Variants in SLC9A9 observed in about 807,000 individuals in gnomAD.
SLC9A9 encodes solute carrier family 9 member A9, also known as sodium/hydrogen exchanger 9.
A neutral mutation model predicts 77.8 loss-of-function variants in SLC9A9; 62 were observed. The observed-to-expected ratio is 0.80, with a 90% CI of 0.65 to 0.98. The LOEUF (loss-of-function observed/expected upper bound fraction) is 0.98, where lower values mean the gene tolerates loss of function less well. Among genes scored for constraint, SLC9A9 ranks in the 50% least tolerant of loss-of-function variants. The pLI is 0.00. For missense variants in SLC9A9, 775 were observed against 774.9 expected, an observed-to-expected ratio of 1.00 and a Z score of 0.00; for synonymous variants, 320 against 283.5, an observed-to-expected ratio of 1.13 and a Z score of -1.29.
At chr3:143,482,768 T>A (rs764394612) in intron 11 of SLC9A9, among the ~76,000 whole-genome samples, 2 of 152,262 alleles carry the variant, frequency 1.3e-5, no homozygotes. Context: ...CTTTGTAATA[T>A]GCACCACATC....
chr3:143,693,217 A>C lies in SLC9A9; in HGVS notation c.624T>G (p.Gly208=). 7 of 1,613,230 alleles carry C rather than the reference A, an allele frequency of 4.3e-6. No homozygotes were observed. The highest frequency in any genetic ancestry group is 5.9e-6 in the Non-Finnish European group (7 of 1,179,434). ...CTGGATCTGTAGCAGACATCAGTGA[A>C]CCAAAAAATAAACAGTCAGTGAAAT... ...DFHFTDCLFF[G]SLMSATDPVT... Residue 208 remains glycine, a synonymous_variant, in exon 5 of 16, where the codon GGT becomes GGG. Transcript: ENST00000316549.
chr3:143,676,872 T>C (rs1932905425), intron 5 of SLC9A9, among the ~76,000 whole-genome samples: 1 of 152,252 alleles, frequency 6.6e-6, no homozygotes, highest in Non-Finnish European at 1.5e-5. Flanking sequence ...TTAAGATCTG[T>C]GAAGGGAGTT....
chr3:143,662,513 G>A (rs995163027), intron 5 of SLC9A9, among the ~76,000 whole-genome samples: 10 of 152,200 alleles, frequency 6.6e-5, no homozygotes, highest in African/African-American at 1.9e-4. Flanking sequence ...CACCTCACCC[G>A]AGAAGTGCAA....
intron 6 of SLC9A9, among the ~76,000 whole-genome samples, chr3:143,601,893 C>A (rs2037850701): frequency 6.6e-6 from 1 of 151,218 alleles, no homozygotes; most frequent in Admixed American, 6.6e-5. Flanking sequence ...TTCCAACATC[C>A]CCCCTCTACC....
chr3:143,620,555 AG>A (rs2108711496), intron 6 of SLC9A9: 1 of 152,382 alleles, frequency 6.6e-6, no homozygotes, highest in South Asian at 2.1e-4. Flanking sequence ...ACAACTCCTC[AG>A]GCAGACTCAG....
chr3:143,361,673 T>G (rs752400864), intron 14 of SLC9A9, among the ~76,000 whole-genome samples: 3 of 152,132 alleles, frequency 2.0e-5, no homozygotes, highest in South Asian at 2.1e-4. Flanking sequence ...TAAATTACCA[T>G]GAGAAGAGAT....
At chr3:143,767,342 G>C (rs1277746719) in intron 4 of SLC9A9, among the ~76,000 whole-genome samples, 1 of 151,220 alleles carries the variant, frequency 6.6e-6, no homozygotes, top group Non-Finnish European at 1.5e-5. Flanking sequence ...TGCCTTTCAG[G>C]TGATTTGGTT....
chr3:143,848,274 G>A lies in SLC9A9; in HGVS notation c.49C>T (p.Gln17Ter). 6.2e-7 allele frequency: 1 copy of A among 1,614,016 alleles called. No individual in the cohort carries two copies. ...AGCAGCTCCACCGCTCCCTGATGTT[G>A]AAACTGATACTCATCCTTTTCTGAC... ...VMSEKDEYQF[Q>*]HQGAVELLVF... The change falls in exon 1 of 16, where the codon CAA (glutamine) becomes TAA (stop). Residue 17 changes from glutamine to a stop codon, truncating the protein, a stop_gained. Coordinates refer to ENST00000316549, the MANE Select transcript of SLC9A9 (RefSeq NM_173653.4). LOFTEE classifies it high-confidence loss of function.
At chr3:143,390,880 C>T (rs978530657) in intron 12 of SLC9A9, among the ~76,000 whole-genome samples, 3 of 152,220 alleles carry the variant, frequency 2.0e-5, no homozygotes, top group Non-Finnish European at 4.4e-5. Context: ...GATTGAACTG[C>T]AAGGCAGCAG....
chr3:143,471,583 T>C (rs1376589012), intron 11 of SLC9A9, among the ~76,000 whole-genome samples: 1 of 152,208 alleles, frequency 6.6e-6, no homozygotes, highest in East Asian at 1.9e-4. Context: ...TCAAGAAATC[T>C]AGAACTTGTC....
intron 12 of SLC9A9, among the ~76,000 whole-genome samples, chr3:143,452,531 T>C (rs898970732): frequency 7.7e-5 from 11 of 142,454 alleles, no homozygotes; most frequent in Non-Finnish European, 1.5e-4. Flanking sequence ...AAAGACCAAA[T>C]GCAACACATT....
At chr3:143,311,945 G>A (rs1559862891) in intron 14 of SLC9A9, among the ~76,000 whole-genome samples, 1 of 152,210 alleles carries the variant, frequency 6.6e-6, no homozygotes, top group Non-Finnish European at 1.5e-5. Flanking sequence ...ATCCAATGGG[G>A]AAAAGATTAA....
chr3:143,345,580 G>A (rs1299791108), intron 14 of SLC9A9, among the ~76,000 whole-genome samples: 1 of 152,176 alleles, frequency 6.6e-6, no homozygotes, highest in Non-Finnish European at 1.5e-5. Flanking sequence ...AGAGCAAATG[G>A]GCTGGGCGCA....
chr3:143,360,805 T>A (rs2032732826), intron 14 of SLC9A9, among the ~76,000 whole-genome samples: 1 of 152,222 alleles, frequency 6.6e-6, no homozygotes. Context: ...ATTATTAGTT[T>A]TATGGGTCAA....
chr3:143,763,614 TG>T (rs1280579875), intron 4 of SLC9A9, among the ~76,000 whole-genome samples: 6 of 152,140 alleles, frequency 3.9e-5, no homozygotes, highest in Admixed American at 6.6e-5. Context: ...TGTTTGTACA[TG>T]CCAGATTTTC....
intron 12 of SLC9A9, among the ~76,000 whole-genome samples, chr3:143,441,257 A>C (rs1214773337): frequency 6.6e-6 from 1 of 152,168 alleles, no homozygotes; most frequent in Non-Finnish European, 1.5e-5. Context: ...TTTGTGGTAG[A>C]ATATCTGCTT....
intron 4 of SLC9A9, among the ~76,000 whole-genome samples, chr3:143,748,692 C>CTTTT (rs35698779): frequency 6.4e-4 from 68 of 105,990 alleles, no homozygotes; most frequent in African/African-American, 1.6e-3. Context: ...TTTGACCAAG[C>CTTTT]TTTTTTTTTT....
chr3:143,556,779 T>C (rs1345450044), intron 8 of SLC9A9, among the ~76,000 whole-genome samples: 1 of 152,208 alleles, frequency 6.6e-6, no homozygotes, highest in Non-Finnish European at 1.5e-5. Context: ...CTCGTTGATA[T>C]TCTCTTGTGG....
chr3:143,504,121 G>A, intron 9 of SLC9A9: 1 of 471,820 alleles, frequency 2.1e-6, no homozygotes, highest in Non-Finnish European at 4.2e-6. Context: ...GCCATGGGTG[G>A]AATCATACTG....
Sources: gnomAD v4.1 joint callset for allele counts (sites outside exome capture counted in the v4.1 genomes callset) on GRCh38, gnomAD v4.1.1 for gene constraint, MANE v1.5 for transcripts, NCBI Gene and HGNC (gene_info 2026-07-23, HGNC 2026-07-21) for gene names.